FAM107B: variants seen among roughly 807,000 people sequenced by gnomAD.
FAM107B encodes protein FAM107B.
A neutral mutation model predicts 31.5 loss-of-function variants in FAM107B; 21 were observed. The observed-to-expected ratio is 0.67, with a 90% CI of 0.47 to 0.96. The LOEUF is 0.96. Among genes scored for constraint, FAM107B ranks in the 40% least tolerant of loss-of-function variants. The probability of loss-of-function intolerance (pLI) is 0.00; values close to 1 mark genes in which losing one functional copy is unlikely to be tolerated. For synonymous variants in FAM107B, 157 were observed against 141.5 expected, an observed-to-expected ratio of 1.11 and a Z score of -0.78; for missense variants, 452 against 377.1, an observed-to-expected ratio of 1.20 and a Z score of -1.64.
intron 1 of FAM107B, 103 bp from the exon 2 acceptor site, chr10:14,667,794 G>A (rs1379656986): frequency 8.0e-7 from 1 of 1,243,676 alleles, no homozygotes; most frequent in Non-Finnish European, 1.2e-6. Flanking sequence ...ATGAGATCAA[G>A]ACTTGAAAAA....
intron 1 of FAM107B, among the ~76,000 whole-genome samples, chr10:14,737,538 T>C (rs1404643681): frequency 6.6e-6 from 1 of 151,930 alleles, no homozygotes; most frequent in African/African-American, 2.4e-5. Context: ...TGCTTGAACC[T>C]GGGAGAAGGA....
At chr10:14,720,985 C>A (rs1481679277) in intron 1 of FAM107B, among the ~76,000 whole-genome samples, 1 of 152,066 alleles carries the variant, frequency 6.6e-6, no homozygotes, top group Non-Finnish European at 1.5e-5. Flanking sequence ...CCAATGCTAT[C>A]CCTCCCCCAG....
intron 2 of FAM107B, among the ~76,000 whole-genome samples, chr10:14,570,210 G>A (rs183875100): frequency 1.5e-3 from 232 of 149,828 alleles, no homozygotes; most frequent in African/African-American, 5.4e-3. Context: ...CATTGAAAAC[G>A]TACCTACCAA....
intron 2 of FAM107B, among the ~76,000 whole-genome samples, chr10:14,591,953 TGG>T (rs772525921): frequency 6.0e-5 from 9 of 149,878 alleles, no homozygotes; most frequent in Non-Finnish European, 1.2e-4. Flanking sequence ...GGGGAAGGGG[TGG>T]GGGTAAAGGA....
intron 2 of FAM107B, among the ~76,000 whole-genome samples, chr10:14,666,584 T>G (rs186437301): frequency 4.0e-5 from 6 of 151,850 alleles, no homozygotes; most frequent in Non-Finnish European, 8.8e-5. Flanking sequence ...AAAAAAAATG[T>G]GTAATGGGAT....
intron 1 of FAM107B, among the ~76,000 whole-genome samples, chr10:14,709,392 T>C (rs1394347489): frequency 1.3e-5 from 2 of 152,154 alleles, no homozygotes; most frequent in Admixed American, 6.5e-5. Context: ...CTCACAATCA[T>C]GGCAGAAAGG....
intron 1 of FAM107B, among the ~76,000 whole-genome samples, chr10:14,681,366 A>G (rs1220223800): frequency 6.6e-6 from 1 of 151,964 alleles, no homozygotes; most frequent in East Asian, 1.9e-4. Flanking sequence ...CTTTTCCTCA[A>G]TCTCTCCACC....
At chr10:14,742,702 G>C (rs980802418) in intron 1 of FAM107B, among the ~76,000 whole-genome samples, 29 of 152,148 alleles carry the variant, frequency 1.9e-4, no homozygotes, top group African/African-American at 7.0e-4. Flanking sequence ...TGGAGAGGTA[G>C]TAATGGCCAT....
At chr10:14,749,682 A>G (rs75185858) in intron 1 of FAM107B, among the ~76,000 whole-genome samples, 12,070 of 152,112 alleles carry the variant, frequency 0.079, 535 homozygotes, top group East Asian at 0.14. Flanking sequence ...ATATCCCTCT[A>G]TCTGGACCAT....
intron 1 of FAM107B, among the ~76,000 whole-genome samples, chr10:14,711,156 C>G (rs1855637073): frequency 1.3e-5 from 2 of 152,302 alleles, no homozygotes; most frequent in African/African-American, 4.8e-5. Context: ...TGTGATCCAC[C>G]CACCTTGGCC....
At chr10:14,572,736 A>ATTTTATATATATATAT (rs1455058375) in intron 2 of FAM107B, among the ~76,000 whole-genome samples, 3,251 of 86,108 alleles carry the variant, frequency 0.038, 198 homozygotes, top group East Asian at 0.082. Context: ...AAAAAAAAAA[A>ATTTTATATATATATAT]ATTTATATAT....
rs140694111 is a variant in FAM107B, at chr10:14,609,359, G to A, written c.469+58275C>T. On this transcript the variant is annotated intron_variant, in intron 2 of 4. Coordinates refer to ENST00000181796, the MANE Select transcript of FAM107B (RefSeq NM_031453.4). Reference sequence around the variant, plus strand: ...GGGCTCATAGTTCATCTTGTCTGGAGCTCAAGGTCCTCTTCTAAGGTCATT... The same window carrying A: ...GGGCTCATAGTTCATCTTGTCTGGAACTCAAGGTCCTCTTCTAAGGTCATT... Among the ~76,000 whole-genome samples, 280 of 152,254 alleles carry A rather than the reference G, an allele frequency of 1.8e-3. 1 individual carries two copies. Among genetic ancestry groups the A allele is most frequent in the African/African-American group, 6.5e-3 (269 of 41,538 alleles).
At chr10:14,601,655 T>C (rs946273376) in intron 2 of FAM107B, among the ~76,000 whole-genome samples, 2 of 152,154 alleles carry the variant, frequency 1.3e-5, no homozygotes, top group Admixed American at 1.3e-4. Context: ...CTCCCCCAGA[T>C]AGCCGGGGAC....
At position 14,531,252 on chromosome 10, in the gene FAM107B, G is replaced by A. The variant is rs370365639; in HGVS notation, c.470-737C>T. Among the ~76,000 whole-genome samples the A allele has an allele frequency of 5.9e-5, 9 of 152,340 alleles. No individual in the cohort carries two copies. The East Asian group carries it at 1.7e-3, about 29-fold the overall frequency. ...ACAAAATACAAGGCCGAGCAAGGTG[G>A]CTCATGCCTGTAATCCCAGCACTTT... On this transcript the variant is annotated intron_variant, in intron 2 of 4. Coordinates refer to ENST00000181796, the MANE Select transcript of FAM107B (RefSeq NM_031453.4).
intron 2 of FAM107B, among the ~76,000 whole-genome samples, chr10:14,572,739 T>TTATATATATATATATATATATATATA (rs61477094): frequency 2.2e-5 from 2 of 92,002 alleles, no homozygotes; most frequent in Non-Finnish European, 4.5e-5. Context: ...AAAAAAAAAT[T>TTATATATATATATATATATATATATA]TATATATATA....
intron 1 of FAM107B, among the ~76,000 whole-genome samples, chr10:14,748,728 T>C (rs149511626): frequency 7.5e-4 from 115 of 152,338 alleles, no homozygotes; most frequent in African/African-American, 2.6e-3. Context: ...TGGGGTGTGG[T>C]CCCTGGATGT....
At chr10:14,576,788 A>G (rs776345145) in intron 2 of FAM107B, among the ~76,000 whole-genome samples, 1 of 152,170 alleles carries the variant, frequency 6.6e-6, no homozygotes, top group African/African-American at 2.4e-5. Flanking sequence ...AGTCCCAAAA[A>G]CCGTTTTATT....
At chr10:14,591,953 T>C (rs1564590784) in intron 2 of FAM107B, among the ~76,000 whole-genome samples, 2 of 149,878 alleles carry the variant, frequency 1.3e-5, no homozygotes, top group Admixed American at 6.6e-5. Flanking sequence ...GGGGAAGGGG[T>C]GGGGGTAAAG....
intron 2 of FAM107B, among the ~76,000 whole-genome samples, chr10:14,629,890 TA>T (rs1185692535): frequency 1.3e-5 from 2 of 152,184 alleles, no homozygotes; most frequent in African/African-American, 4.8e-5. Context: ...ACATGATTTT[TA>T]CATTTACTTT....
Sources: gnomAD v4.1 joint callset for allele counts (sites outside exome capture counted in the v4.1 genomes callset) on GRCh38, gnomAD v4.1.1 for gene constraint, MANE v1.5 for transcripts, NCBI Gene and HGNC (gene_info 2026-07-23, HGNC 2026-07-21) for gene names.